The following TMEM229B variants were observed in gnomAD, a reference collection of about 807,000 sequenced individuals.
TMEM229B encodes transmembrane protein 229B.
A neutral mutation model predicts 13.7 loss-of-function variants in TMEM229B; 6 were observed. That is an observed-to-expected ratio of 0.44 (90% CI 0.24 to 0.86). TMEM229B has a LOEUF of 0.86. Ranked by LOEUF, TMEM229B falls within the 40% of genes least tolerant of loss-of-function variation. The pLI is 0.23. For synonymous variants in TMEM229B, 107 were observed against 102.1 expected (o/e 1.05, Z -0.29); for missense variants, 170 against 236.0 (o/e 0.72, Z 1.83).
In TMEM229B at chr14:67,473,201, C is replaced by T; in HGVS notation, c.*219G>A. 1.6e-6 allele frequency: 1 copy of T among 615,084 alleles called. No individual in the cohort carries two copies. The allele number at this position is 615,084 out of a possible 1,614,324, so 38.1% of individuals were successfully genotyped here. A position where few individuals can be genotyped will look rare whatever the true frequency, so the allele number is the denominator to read the frequency against. ...ACTGGGCCGCGATCCATGGACCCTT[C>T]CCAATGTCCCTCTGCTGCCTCCACA... On this transcript the variant is annotated 3_prime_UTR_variant, in exon 3 of 3. Coordinates refer to ENST00000554480, the MANE Select transcript of TMEM229B (RefSeq NM_001348543.2). This position sits in a 1 kb window ranked among gnomAD's most constrained non-coding sequence, Gnocchi z 6.5.
chr14:67,496,227 T>C (rs1038108356), intron 1 of TMEM229B, among the ~76,000 whole-genome samples: 1 of 151,944 alleles, frequency 6.6e-6, no homozygotes, highest in Non-Finnish European at 1.5e-5. Context: ...TATTTATTTA[T>C]TTATTTTGAG....
At chr14:67,522,031 G>A (rs1481409951) in intron 1 of TMEM229B, among the ~76,000 whole-genome samples, 2 of 152,242 alleles carry the variant, frequency 1.3e-5, no homozygotes, top group South Asian at 2.1e-4. Context: ...AAAATTAGCC[G>A]GGCATGGTGG....
chr14:67,473,709 G>A lies in TMEM229B; in HGVS notation c.215C>T (p.Pro72Leu). Residue 72 changes from proline to leucine, a missense_variant, in exon 3 of 3, where the codon CCG becomes CTG. This residue lies in a region of TMEM229B where 57 missense variants were observed against 66.7 expected (regional missense o/e 0.85). Coordinates refer to ENST00000554480, the MANE Select transcript of TMEM229B (RefSeq NM_001348543.2). The surrounding 1 kb of genome is among the most constrained non-coding windows in gnomAD (Gnocchi z 6.5). ...GTAGATGAGGCAGCGCAGGAGCAGCGGGCAGCGGCCGCGCAGCCGCAGGTA... is the reference window on the plus strand; with the variant it reads ...GTAGATGAGGCAGCGCAGGAGCAGCAGGCAGCGGCCGCGCAGCCGCAGGTA... ...RMYLRLRGRC[P>L]LLLRCLIYTL... is the part of the protein sequence containing the mutation. 1.9e-6 allele frequency: 3 copies of A among 1,599,144 alleles called. No individual in the cohort carries two copies. The highest frequency in any genetic ancestry group is 1.1e-5 in the South Asian group (1 of 89,010).
At chr14:67,528,548 T>A (rs886729588) in intron 1 of TMEM229B, among the ~76,000 whole-genome samples, 1 of 152,198 alleles carries the variant, frequency 6.6e-6, no homozygotes, top group Non-Finnish European at 1.5e-5. Context: ...AAAACTAGGA[T>A]GTTGCAAACT....
At chr14:67,478,968 G>C (rs2031403835) in intron 2 of TMEM229B, among the ~76,000 whole-genome samples, 3 of 152,148 alleles carry the variant, frequency 2.0e-5, no homozygotes, top group Non-Finnish European at 4.4e-5. Flanking sequence ...GCAAAGGCAT[G>C]CATATGTGCA....
chr14:67,506,138 G>A (rs2032817583), intron 1 of TMEM229B, among the ~76,000 whole-genome samples: 1 of 152,184 alleles, frequency 6.6e-6, no homozygotes, highest in South Asian at 2.1e-4. Flanking sequence ...GCACTTTCCT[G>A]CCCCTCCCAG....
chr14:67,472,582 A>T lies in TMEM229B; in HGVS notation c.*838T>A, dbSNP rs560529816. 5.4e-5 allele frequency: 8 copies of T among 149,356 alleles called. No individual in the cohort carries two copies. In the East Asian group the frequency reaches 1.4e-3, roughly 26 times the overall value. The allele number at this position is 149,356 out of a possible 1,614,324, so 9.3% of individuals were successfully genotyped here. ...GGCATCAGGCCAGCCGGAACAGTGG[A>T]GGGAAGGGCTGCAAGGGGGTGAGGG... On this transcript the variant is annotated 3_prime_UTR_variant, in exon 3 of 3. Coordinates refer to ENST00000554480, the MANE Select transcript of TMEM229B (RefSeq NM_001348543.2).
At chr14:67,512,570 A>G (rs565953854) in intron 1 of TMEM229B, among the ~76,000 whole-genome samples, 1 of 152,302 alleles carries the variant, frequency 6.6e-6, no homozygotes, top group South Asian at 2.1e-4. Flanking sequence ...ACAAACTTGA[A>G]AACAGCCAGG....
intron 1 of TMEM229B, among the ~76,000 whole-genome samples, chr14:67,513,575 C>T (rs1441395861): frequency 2.0e-5 from 3 of 152,212 alleles, no homozygotes; most frequent in Non-Finnish European, 2.9e-5. Context: ...ACACAAAGCC[C>T]CTGATGGGGG....
intron 1 of TMEM229B, among the ~76,000 whole-genome samples, chr14:67,507,468 C>A (rs2032868921): frequency 6.6e-6 from 1 of 152,014 alleles, no homozygotes; most frequent in Non-Finnish European, 1.5e-5. Flanking sequence ...ACCCTGGAGT[C>A]CCCAGGGTCT....
In TMEM229B at chr14:67,482,601, C is replaced by T. The variant is rs186194654; in HGVS notation, c.-19+4399G>A. 1.9e-3 allele frequency among the ~76,000 whole-genome samples: 296 copies of T among 152,294 alleles called. 1 individual carries two copies. Among genetic ancestry groups the T allele is most frequent in the Non-Finnish European group, 3.5e-3 (238 of 68,026 alleles). On this transcript the variant is annotated intron_variant, in intron 2 of 2. Coordinates refer to ENST00000554480, the MANE Select transcript of TMEM229B (RefSeq NM_001348543.2). Reference sequence around the variant, plus strand: ...CTAGGAGACCCCTGAGGCAACGCAGCGGGGGACAGCTTCAGGAGCCCTTGG... The same window carrying T: ...CTAGGAGACCCCTGAGGCAACGCAGTGGGGGACAGCTTCAGGAGCCCTTGG...
intron 1 of TMEM229B, among the ~76,000 whole-genome samples, chr14:67,494,203 A>C (rs2032276837): frequency 6.6e-6 from 1 of 152,200 alleles, no homozygotes; most frequent in African/African-American, 2.4e-5. Flanking sequence ...AGAGTAATTA[A>C]AGGGAATGTT....
chr14:67,510,237 T>G (rs1375675670), intron 1 of TMEM229B, among the ~76,000 whole-genome samples: 1 of 152,244 alleles, frequency 6.6e-6, no homozygotes. Flanking sequence ...ATTATTGCCA[T>G]GATCACTGAA....
chr14:67,521,144 A>G (rs2033285732), intron 1 of TMEM229B, among the ~76,000 whole-genome samples: 1 of 152,226 alleles, frequency 6.6e-6, no homozygotes. Context: ...AGATTGTTGA[A>G]TAATATCACT....
chr14:67,489,773 G>A (rs975110139), upstream of TMEM229B, among the ~76,000 whole-genome samples: 16 of 152,228 alleles, frequency 1.1e-4, no homozygotes, highest in Middle Eastern at 3.4e-3. Context: ...GGCGGATCAC[G>A]AGGTCAGGAG....
chr14:67,526,471 G>T (rs2033369382), intron 1 of TMEM229B, among the ~76,000 whole-genome samples: 1 of 152,246 alleles, frequency 6.6e-6, no homozygotes, highest in Non-Finnish European at 1.5e-5. Flanking sequence ...GGTGCCAGAT[G>T]CATGGAACTA....
chr14:67,508,361 T>C (rs2032903153), intron 1 of TMEM229B, among the ~76,000 whole-genome samples: 1 of 152,120 alleles, frequency 6.6e-6, no homozygotes, highest in Non-Finnish European at 1.5e-5. Flanking sequence ...TCTAGCATTA[T>C]TACCTGAAGA....
chr14:67,485,181 G>A (rs1446696810), intron 2 of TMEM229B, among the ~76,000 whole-genome samples: 1 of 152,188 alleles, frequency 6.6e-6, no homozygotes, highest in African/African-American at 2.4e-5. Flanking sequence ...CAGCCTTAAG[G>A]CTGATGGCAT....
intron 1 of TMEM229B, among the ~76,000 whole-genome samples, chr14:67,513,830 G>A (rs551638354): frequency 6.6e-6 from 1 of 152,312 alleles, no homozygotes; most frequent in South Asian, 2.1e-4. Flanking sequence ...CACAGGATAG[G>A]AGCTGGTGGT....
Sources: allele counts gnomAD v4.1 joint callset (sites outside exome capture counted in the v4.1 genomes callset), GRCh38; gene constraint gnomAD v4.1.1; regional missense constraint gnomAD v4.1.1; non-coding constraint Gnocchi (gnomAD v3.1); transcripts MANE v1.5; gene names NCBI Gene and HGNC (gene_info 2026-07-23, HGNC 2026-07-21).